PLPPR4: variants seen among roughly 807,000 people sequenced by gnomAD.
PLPPR4 encodes the protein phospholipid phosphatase-related protein type 4.
Under a neutral mutation model 56.6 loss-of-function variants are expected in PLPPR4, and 24 were observed. That is an observed-to-expected ratio of 0.42 (90% CI 0.31 to 0.60). PLPPR4 has a LOEUF of 0.60. Ranked by LOEUF, PLPPR4 falls within the 20% of genes least tolerant of loss-of-function variation. The probability of loss-of-function intolerance (pLI) is 0.13; values close to 1 mark genes in which losing one functional copy is unlikely to be tolerated. For synonymous variants in PLPPR4, 326 were observed against 328.1 expected (o/e 0.99, Z 0.07); for missense variants, 654 against 885.8 (o/e 0.74, Z 3.32).
intron 5 of PLPPR4, among the ~76,000 whole-genome samples, chr1:99,301,409 G>T (rs1354339631): frequency 6.6e-6 from 1 of 151,944 alleles, no homozygotes; most frequent in Non-Finnish European, 1.5e-5. Flanking sequence ...TATCTAATTT[G>T]TACAATAGTC....
rs1034668357 is a variant in PLPPR4 at position 99,307,123 on chromosome 1, C to T, written c.*113C>T. 2 of 1,313,432 alleles carry T rather than the reference C, an allele frequency of 1.5e-6. No homozygotes were observed. Among genetic ancestry groups the T allele is most frequent in the Non-Finnish European group, 2.1e-6 (2 of 963,614 alleles). 81.4% of individuals were successfully genotyped at this position (1,313,432 alleles called of 1,614,324 possible). On this transcript the variant is annotated 3_prime_UTR_variant, in exon 7 of 7. Coordinates refer to ENST00000370185, the MANE Select transcript of PLPPR4 (RefSeq NM_014839.5). ...ACCAAGCTAGATTGTCTACCATCAGCCCAGAACTCTGTAACTTTTCAGAAC... is the reference window on the plus strand; with the variant it reads ...ACCAAGCTAGATTGTCTACCATCAGTCCAGAACTCTGTAACTTTTCAGAAC...
intron 1 of PLPPR4, among the ~76,000 whole-genome samples, chr1:99,281,593 A>T (rs563942409): frequency 3.9e-5 from 6 of 152,180 alleles, no homozygotes; most frequent in Admixed American, 2.6e-4. Flanking sequence ...TATTAGCTAC[A>T]AGGCAAAAAA....
intron 2 of PLPPR4, among the ~76,000 whole-genome samples, chr1:99,289,632 A>G (rs957333657): frequency 2.6e-5 from 4 of 152,226 alleles, no homozygotes; most frequent in African/African-American, 9.6e-5. Context: ...TGAAGTTTTA[A>G]CAAAAAATTC....
rs1420633432 is a variant in PLPPR4, at chr1:99,308,503, T to C, written c.*1493T>C. ...CATACTCAGTTCTTGGAACTTAGTA[T>C]TAAACCTTTTTTATGCCATTTCATA... On this transcript the variant is annotated 3_prime_UTR_variant, in exon 7 of 7. Transcript: ENST00000370185. The C allele has an allele frequency of 6.6e-6, 1 of 152,626 alleles. No homozygotes were observed. Among genetic ancestry groups the C allele is most frequent in the Non-Finnish European group, 1.5e-5 (1 of 68,034 alleles). 9.5% of individuals were successfully genotyped at this position (152,626 alleles called of 1,614,324 possible). A position where few individuals can be genotyped will look rare whatever the true frequency, so the allele number is the denominator to read the frequency against.
At chr1:99,271,899 AGT>A (rs553822029) in intron 1 of PLPPR4, among the ~76,000 whole-genome samples, 10,894 of 117,898 alleles carry the variant, frequency 0.092, 453 homozygotes, top group African/African-American at 0.12. Flanking sequence ...GTAGGAGTGA[AGT>A]GTGTGTGTGT....
chr1:99,303,898 T>G (rs1659948352), intron 6 of PLPPR4, among the ~76,000 whole-genome samples: 1 of 152,210 alleles, frequency 6.6e-6, no homozygotes, highest in African/African-American at 2.4e-5. Flanking sequence ...TAAAGGAGAC[T>G]GGAAATGCCA....
chr1:99,272,591 A>C (rs1017674512), intron 1 of PLPPR4, among the ~76,000 whole-genome samples: 1 of 152,156 alleles, frequency 6.6e-6, no homozygotes, highest in Non-Finnish European at 1.5e-5. Context: ...ACTGTTCCAA[A>C]TTGTTAGGCT....
At chr1:99,300,766 C>G (rs1003867210) in intron 4 of PLPPR4, 143 bp from the exon 5 acceptor site, 1 of 648,074 alleles carries the variant, frequency 1.5e-6, no homozygotes, top group African/African-American at 1.8e-5. Flanking sequence ...GGTCTTTCAC[C>G]AGAAAGCTGG....
At chr1:99,281,073 G>A (rs1659312099) in intron 1 of PLPPR4, among the ~76,000 whole-genome samples, 1 of 152,154 alleles carries the variant, frequency 6.6e-6, no homozygotes, top group African/African-American at 2.4e-5. Context: ...ATATAAGGCA[G>A]TGACAGTGTG....
intron 1 of PLPPR4, among the ~76,000 whole-genome samples, chr1:99,266,294 C>G (rs2100780159): frequency 6.6e-6 from 1 of 152,268 alleles, no homozygotes; most frequent in African/African-American, 2.4e-5. Context: ...AGTTCCATCT[C>G]CAGGAAGGAA....
In PLPPR4 at chr1:99,306,475, A is replaced by C. The variant is rs1387074465; in HGVS notation, c.1613A>C (p.Gln538Pro). ...IMQVIAMSKQQGVLQSSPKNT... is the reference protein window; with the variant it reads ...IMQVIAMSKQPGVLQSSPKNT... The stretch of plus-strand genomic sequence containing the variant: ...CAAGTCATAGCCATGTCCAAGCAGC[A>C]GGGTGTCCTCCAAAGCAGCCCCAAG... The change falls in exon 7 of 7, where the codon CAG (glutamine) becomes CCG (proline). Residue 538 changes from glutamine (Q) to proline (P), a missense_variant. By Grantham distance (76) the Gln-to-Pro change is moderately conservative. This residue lies in a region of PLPPR4 where 468 missense variants were observed against 554.3 expected (regional missense o/e 0.84). Transcript: ENST00000370185. The surrounding 1 kb of genome is among the most constrained non-coding windows in gnomAD (Gnocchi z 4.0). 2 of 1,614,068 alleles carry C rather than the reference A, an allele frequency of 1.2e-6. No homozygotes were observed. Among genetic ancestry groups the C allele is most frequent in the African/African-American group, 2.7e-5 (2 of 74,938 alleles).
chr1:99,278,673 G>T (rs1387541050), intron 1 of PLPPR4, among the ~76,000 whole-genome samples: 2 of 152,130 alleles, frequency 1.3e-5, no homozygotes, highest in African/African-American at 4.8e-5. Flanking sequence ...GGTTAAGTCT[G>T]GTGAGTGCAA....
At position 99,306,670 on chromosome 1, in the gene PLPPR4, C is replaced by G. The variant is rs367756880; in HGVS notation, c.1808C>G (p.Ala603Gly). The G allele has an allele frequency of 1.3e-5, 21 of 1,613,992 alleles. No homozygotes were observed. Among genetic ancestry groups the G allele is most frequent in the Non-Finnish European group, 1.7e-5 (20 of 1,180,020 alleles). Residue 603 changes from alanine (A) to glycine (G), a missense_variant, in exon 7 of 7, where the codon GCC becomes GGC. Physicochemically the swap from Ala to Gly is moderately conservative, Grantham distance 60. Transcript: ENST00000370185. The surrounding 1 kb of genome is among the most constrained non-coding windows in gnomAD (Gnocchi z 4.0). ...GGCAGTGGCTCCTGGAAGTGGAAAGCCCCTGAAAAGGGCAGCCTTCGCCAA... is the reference window on the plus strand; with the variant it reads ...GGCAGTGGCTCCTGGAAGTGGAAAGGCCCTGAAAAGGGCAGCCTTCGCCAA... ...GEGSGSWKWK[A>G]PEKGSLRQTY...
At chr1:99,284,530 G>A (rs1006253456) in intron 1 of PLPPR4, among the ~76,000 whole-genome samples, 17 of 151,762 alleles carry the variant, frequency 1.1e-4, no homozygotes, top group African/African-American at 3.4e-4. Flanking sequence ...CTTGTGATCC[G>A]CCTCTCTCCC....
intron 2 of PLPPR4, 74 bp downstream of exon 2, chr1:99,288,224 G>A (rs1570916031): frequency 7.4e-7 from 1 of 1,344,200 alleles, no homozygotes. Context: ...TAATAAATGG[G>A]TTCAAAGCAA....
intron 1 of PLPPR4, among the ~76,000 whole-genome samples, chr1:99,268,579 C>T (rs189001466): frequency 1.2e-3 from 190 of 152,276 alleles, no homozygotes; most frequent in Non-Finnish European, 1.9e-3. Flanking sequence ...TTGGTTTATG[C>T]TGCTGCTTGC....
chr1:99,299,027 G>T lies in PLPPR4; in HGVS notation c.395-8G>T, dbSNP rs752937462. On this transcript the variant is annotated splice_polypyrimidine_tract_variant and splice_region_variant and intron_variant, in intron 3 of 6. Transcript: ENST00000370185. ...ACTTGGTAACAATTTCTTTCATTTT[G>T]CCTATAGGTGTTCATGTATTTGGAT... The T allele has an allele frequency of 2.5e-6, 4 of 1,605,668 alleles. No homozygotes were observed. Among genetic ancestry groups the T allele is most frequent in the South Asian group, 2.2e-5 (2 of 90,886 alleles).
chr1:99,273,664 G>A (rs1463839244), intron 1 of PLPPR4, among the ~76,000 whole-genome samples: 7 of 152,004 alleles, frequency 4.6e-5, no homozygotes, highest in Non-Finnish European at 1.0e-4. Flanking sequence ...TTTATGTGTT[G>A]AATAAATATC....
upstream of PLPPR4, among the ~76,000 whole-genome samples, chr1:99,263,516 T>C (rs976307078): frequency 6.6e-6 from 1 of 152,134 alleles, no homozygotes; most frequent in African/African-American, 2.4e-5. Context: ...GACTTGGAGA[T>C]ATTGGAAATG....
Sources: allele counts gnomAD v4.1 joint callset (sites outside exome capture counted in the v4.1 genomes callset), GRCh38; gene constraint gnomAD v4.1.1; regional missense constraint gnomAD v4.1.1; non-coding constraint Gnocchi (gnomAD v3.1); transcripts MANE v1.5; gene names NCBI Gene and HGNC (gene_info 2026-07-23, HGNC 2026-07-21).